The following CLDN14 variants were observed in gnomAD, a reference collection of about 807,000 sequenced individuals.
CLDN14 encodes the protein claudin-14.
A neutral mutation model predicts 2.1 loss-of-function variants in CLDN14; 2 were observed. The observed-to-expected ratio is 0.96, with a 90% CI of 0.39 to 3.01. CLDN14 has a LOEUF of 3.01. Ranked by LOEUF, CLDN14 falls within the 30% of genes most tolerant of loss-of-function variation. CLDN14 has a pLI of 0.09. For missense variants in CLDN14, 298 were observed against 328.0 expected, an observed-to-expected ratio of 0.91 and a Z score of 0.71; for synonymous variants, 136 against 154.4, an observed-to-expected ratio of 0.88 and a Z score of 0.88.
At chr21:36,528,414 G>T (rs555735065) in intron 1 of CLDN14, among the ~76,000 whole-genome samples, 9 of 152,306 alleles carry the variant, frequency 5.9e-5, no homozygotes, top group Non-Finnish European at 1.3e-4. Flanking sequence ...CTGATTCCAA[G>T]CTGTTCACCT....
chr21:36,553,396 C>T (rs1393401971), intron 1 of CLDN14, among the ~76,000 whole-genome samples: 2 of 152,128 alleles, frequency 1.3e-5, no homozygotes, highest in Non-Finnish European at 2.9e-5. Context: ...GGAACAGGCC[C>T]CTGGTGGTCT....
rs71198817 is a variant in CLDN14, at chr21:36,490,385, A to ATTTTTTT, written c.-82+19971_-82+19977dup. On this transcript the variant is annotated intron_variant, in intron 2 of 2. Coordinates refer to the CLDN14 transcript ENST00000342108. Reference sequence around the variant, plus strand: ...TGTCTGCTAGTTCAATTTTTTTTTAATTTTTTTTTTTTTTTTTTTTTGTGA... The same window carrying ATTTTTTT: ...TGTCTGCTAGTTCAATTTTTTTTTAATTTTTTTTTTTTTTTTTTTTTTTTTTTTGTGA... Among the ~76,000 whole-genome samples, 60 of 102,078 alleles carry ATTTTTTT rather than the reference A, an allele frequency of 5.9e-4. 1 individual carries two copies. In the East Asian group the frequency reaches 6.5e-3, roughly 11 times the overall value. 67.0% of individuals were successfully genotyped at this position (102,078 alleles called of 152,430 possible). A position where few individuals can be genotyped will look rare whatever the true frequency, so the allele number is the denominator to read the frequency against.
At chr21:36,542,180 G>C (rs895730553) in intron 1 of CLDN14, among the ~76,000 whole-genome samples, 3 of 152,132 alleles carry the variant, frequency 2.0e-5, no homozygotes, top group Non-Finnish European at 2.9e-5. Context: ...GGTCAGGCTG[G>C]TCTTGAACTA....
At chr21:36,526,909 C>T (rs879765478) in intron 1 of CLDN14, among the ~76,000 whole-genome samples, 5 of 152,188 alleles carry the variant, frequency 3.3e-5, no homozygotes, top group Non-Finnish European at 5.9e-5. Context: ...GGCCCACCTC[C>T]CGAGACGGGG....
intron 1 of CLDN14, among the ~76,000 whole-genome samples, chr21:36,515,310 C>A (rs2146488302): frequency 6.6e-6 from 1 of 152,248 alleles, no homozygotes; most frequent in African/African-American, 2.4e-5. Context: ...AACTCAATGT[C>A]CATCGATGGG....
intron 1 of CLDN14, among the ~76,000 whole-genome samples, chr21:36,527,506 G>A (rs559432220): frequency 6.6e-6 from 1 of 152,318 alleles, no homozygotes; most frequent in Admixed American, 6.5e-5. Flanking sequence ...CAGCTGCTGT[G>A]TTCATGGAGA....
upstream of CLDN14, among the ~76,000 whole-genome samples, chr21:36,483,599 GT>G (rs2086868243): frequency 6.6e-6 from 1 of 152,240 alleles, no homozygotes; most frequent in Non-Finnish European, 1.5e-5. Context: ...GCAACTAGGA[GT>G]GCAGGTCAGC....
chr21:36,461,487 A>C lies in CLDN14; in HGVS notation c.209T>G (p.Leu70Arg), dbSNP rs767565332. Residue 70 changes from leucine (L) to arginine (R), a missense_variant, in exon 2 of 2, where the codon CTG becomes CGG. Coordinates refer to ENST00000399135, the MANE Select transcript of CLDN14 (RefSeq NM_001146079.2). ...GIYQCQIYRS[L>R]LALPQDLQAA... ...CTGGAGGTCTTGGGGCAGCGCCAGCAGGGATCGGTAGATCTGGCACTGGTA... is the reference window on the plus strand; with the variant it reads ...CTGGAGGTCTTGGGGCAGCGCCAGCCGGGATCGGTAGATCTGGCACTGGTA... 2 of 1,613,460 alleles carry C rather than the reference A, an allele frequency of 1.2e-6. No individual in the cohort carries two copies. Among genetic ancestry groups the C allele is most frequent in the South Asian group, 2.2e-5 (2 of 91,088 alleles).
rs914030949 is a variant in CLDN14 at position 36,544,292 on chromosome 21, G to T, written c.-220+32119C>A. ...GAAGGACAATGGCCTTTTCTTGGCTGAGGAGTGCCAGGGAACCAAGCCTCT... is the reference window on the plus strand; with the variant it reads ...GAAGGACAATGGCCTTTTCTTGGCTTAGGAGTGCCAGGGAACCAAGCCTCT... On this transcript the variant is annotated intron_variant, in intron 1 of 2. Coordinates refer to the CLDN14 transcript ENST00000342108. The surrounding 1 kb of genome is among the most constrained non-coding windows in gnomAD (Gnocchi z 4.1). Among the ~76,000 whole-genome samples, 4 of 152,222 alleles carry T rather than the reference G, an allele frequency of 2.6e-5. No homozygotes were observed. Among genetic ancestry groups the T allele is most frequent in the African/African-American group, 9.6e-5 (4 of 41,462 alleles).
chr21:36,472,345 G>A (rs2086720402), intron 1 of CLDN14, among the ~76,000 whole-genome samples: 1 of 152,168 alleles, frequency 6.6e-6, no homozygotes, highest in South Asian at 2.1e-4. Context: ...GGTGCCTAAG[G>A]TTATTGTCTT....
intron 1 of CLDN14, among the ~76,000 whole-genome samples, chr21:36,474,250 A>G (rs1313549572): frequency 6.6e-6 from 1 of 152,230 alleles, no homozygotes; most frequent in Non-Finnish European, 1.5e-5. Context: ...TCCTGAATGT[A>G]GGCAGCCACC....
intron 2 of CLDN14, among the ~76,000 whole-genome samples, chr21:36,488,315 A>G (rs561410034): frequency 1.5e-5 from 2 of 134,668 alleles, no homozygotes; most frequent in African/African-American, 5.7e-5. Flanking sequence ...CTCTGTTGCC[A>G]GGCTGGAGTG....
intron 1 of CLDN14, among the ~76,000 whole-genome samples, chr21:36,531,057 C>G (rs891234627): frequency 6.6e-5 from 10 of 151,826 alleles, no homozygotes; most frequent in African/African-American, 2.4e-4. Flanking sequence ...ATGGTGAAAC[C>G]CTGTCTCTAC....
chr21:36,573,444 T>C (rs1239102505), intron 1 of CLDN14, among the ~76,000 whole-genome samples: 1 of 152,212 alleles, frequency 6.6e-6, no homozygotes, highest in Non-Finnish European at 1.5e-5. Context: ...CTGGGTATTA[T>C]GTAGAAGCTT....
In CLDN14 at chr21:36,498,080, A is replaced by G. The variant is rs1289345916; in HGVS notation, c.-82+12283T>C. ...AGTGGTGCAATCTTGGCTCACTGCA[A>G]CCTCCACCGCCCGGGGTTCAAGCGA... On this transcript the variant is annotated intron_variant, in intron 2 of 2. Transcript: ENST00000342108. The surrounding 1 kb of genome is among the most constrained non-coding windows in gnomAD (Gnocchi z 4.9). Among the ~76,000 whole-genome samples, 1 of 151,540 alleles carries G rather than the reference A, an allele frequency of 6.6e-6. No individual in the cohort carries two copies. Among genetic ancestry groups the G allele is most frequent in the Non-Finnish European group, 1.5e-5 (1 of 67,916 alleles).
chr21:36,537,603 A>G (rs2087434890), intron 1 of CLDN14, among the ~76,000 whole-genome samples: 1 of 119,468 alleles, frequency 8.4e-6, no homozygotes, highest in African/African-American at 2.5e-5. Context: ...AAGTATCATG[A>G]TCATTTACAA....
chr21:36,529,220 C>G (rs931063799), intron 1 of CLDN14, among the ~76,000 whole-genome samples: 1 of 152,176 alleles, frequency 6.6e-6, no homozygotes, highest in African/African-American at 2.4e-5. Flanking sequence ...TAGTTTTTAG[C>G]ACACAGAGTA....
chr21:36,542,475 A>C (rs895648681), intron 1 of CLDN14: 1 of 152,166 alleles, frequency 6.6e-6, no homozygotes, highest in Admixed American at 6.5e-5. Flanking sequence ...CCCCTATGGC[A>C]CCAGTCTGTA....
At chr21:36,481,381 A>C (rs999978980), upstream of CLDN14, among the ~76,000 whole-genome samples, 2 of 152,220 alleles carry the variant, frequency 1.3e-5, no homozygotes, top group African/African-American at 4.8e-5. Context: ...ATAATAGTAA[A>C]ATGTGCCCAT....
Sources: allele counts gnomAD v4.1 joint callset (sites outside exome capture counted in the v4.1 genomes callset), GRCh38; gene constraint gnomAD v4.1.1; non-coding constraint Gnocchi (gnomAD v3.1); transcripts MANE v1.5; gene names NCBI Gene and HGNC (gene_info 2026-07-23, HGNC 2026-07-21).